ZIC2: variants seen among roughly 807,000 people sequenced by gnomAD.
ZIC2 encodes the protein zinc finger protein ZIC 2.
In ZIC2, 7 loss-of-function variants were observed where a neutral mutation model predicts 29.5. That is an observed-to-expected ratio of 0.24 (90% CI 0.14 to 0.45). The LOEUF (loss-of-function observed/expected upper bound fraction) is 0.45. Among genes scored for constraint, ZIC2 ranks in the 20% least tolerant of loss-of-function variants. The pLI, the probability that ZIC2 is intolerant of heterozygous loss-of-function variation, is 1.00. For synonymous variants in ZIC2, 408 were observed against 354.2 expected (o/e 1.15, Z -1.70); for missense variants, 589 against 781.2 (o/e 0.75, Z 2.93).
Position 99,985,427 on chromosome 13 carries a change from G to T in ZIC2, c.1344G>T (p.Gln448His), listed in dbSNP as rs1566405954. ...TGGTGTCCCCCAGCGCCGAGCCCCA[G>T]AGCAGCTCCAACCTGTCCCCAGCGG... ...PGLVSPSAEP[Q>H]SSSNLSPAAA... is the part of the protein sequence containing the mutation. The change falls in exon 3 of 3, where the codon CAG (glutamine) becomes CAT (histidine). Residue 448 changes from glutamine (Q) to histidine (H), a missense_variant. By Grantham distance (24) the Gln-to-His change is conservative. Coordinates refer to ENST00000376335, the MANE Select transcript of ZIC2 (RefSeq NM_007129.5). This position sits in a 1 kb window ranked among gnomAD's most constrained non-coding sequence, Gnocchi z 6.3. The T allele has an allele frequency of 6.3e-7, 1 of 1,593,274 alleles. No individual in the cohort carries two copies. Among genetic ancestry groups the T allele is most frequent in the Non-Finnish European group, 8.5e-7 (1 of 1,176,884 alleles).
In ZIC2 at chr13:99,985,836, G is replaced by GT. The variant is rs34544768; in HGVS notation, c.*170dup. 49,294 of 185,594 alleles carry GT rather than the reference G, an allele frequency of 0.27. 6,060 individuals carry two copies. Among genetic ancestry groups the GT allele is most frequent in the African/African-American group, 0.45 (17,541 of 39,052 alleles). The allele number at this position is 185,594 out of a possible 1,614,324, so 11.5% of individuals were successfully genotyped here. A position where few individuals can be genotyped will look rare whatever the true frequency, so the allele number is the denominator to read the frequency against. On this transcript the variant is annotated 3_prime_UTR_variant, in exon 3 of 3. Transcript: ENST00000376335. The surrounding 1 kb of genome is among the most constrained non-coding windows in gnomAD (Gnocchi z 6.3). ...TTTACCAGCAGAAGGATTTTTTAAAGTTTTTTTTTTTTTTTTAATAATAAT... is the reference window on the plus strand; with the variant it reads ...TTTACCAGCAGAAGGATTTTTTAAAGTTTTTTTTTTTTTTTTTAATAATAAT...
chr13:99,982,871 C>A lies in ZIC2; in HGVS notation c.807C>A (p.Pro269=). ...TCGACCCCGAGCAACTGAGCAATCC[C>A]AAGAAGAGCTGCAACAAAACTTTCA... ...KWIDPEQLSN[P]KKSCNKTFST... Residue 269 remains proline, a synonymous_variant, in exon 1 of 3, where the codon CCC becomes CCA. Transcript: ENST00000376335. 1 of 1,613,686 alleles carries A rather than the reference C, an allele frequency of 6.2e-7. No individual in the cohort carries two copies. Among genetic ancestry groups the A allele is most frequent in the Non-Finnish European group, 8.5e-7 (1 of 1,180,004 alleles).
At position 99,984,986 on chromosome 13, in the gene ZIC2, G is replaced by A; in HGVS notation, c.1116G>A (p.Arg372=). 1 of 1,614,154 alleles carries A rather than the reference G, an allele frequency of 6.2e-7. No homozygotes were observed. The highest frequency in any genetic ancestry group is 8.5e-7 in the Non-Finnish European group (1 of 1,179,994). The change falls in exon 2 of 3, where the codon CGG becomes CGA. Residue 372 remains arginine, a synonymous_variant. Transcript: ENST00000376335. ...PFQCEFEGCD[R]RFANSSDRKK... ...AGTGTGAGTTTGAGGGCTGCGACCG[G>A]CGCTTCGCCAACAGCAGCGACAGGA...
rs760154054 is a variant in ZIC2, at chr13:99,982,544, G to A, written c.480G>A (p.Pro160=). 1 of 1,544,024 alleles carries A rather than the reference G, an allele frequency of 6.5e-7. No homozygotes were observed. The highest frequency in any genetic ancestry group is 8.7e-7 in the Non-Finnish European group (1 of 1,147,876). ...ACGCGCAGGGCCACCTCCTCTTCCC[G>A]GGCCTGCCAGAGCAGCACGGGCCGC... ...HSDAQGHLLF[P]GLPEQHGPHG... Residue 160 remains proline, a synonymous_variant, in exon 1 of 3, where the codon CCG becomes CCA. Coordinates refer to ENST00000376335, the MANE Select transcript of ZIC2 (RefSeq NM_007129.5).
At position 99,985,492 on chromosome 13, in the gene ZIC2, C is replaced by CGGT; in HGVS notation, c.1411_1413dup (p.Val471dup). Reference sequence around the variant, plus strand: ...GCGGCGGCTGCGGCGGCGGCGGCCGCGGTGTCCGCGGTGCACCGGGGCGGA... The same window carrying CGGT: ...GCGGCGGCTGCGGCGGCGGCGGCCGCGGTGGTGTCCGCGGTGCACCGGGGCGGA... On this transcript the variant is annotated inframe_insertion, in exon 3 of 3. Coordinates refer to ENST00000376335, the MANE Select transcript of ZIC2 (RefSeq NM_007129.5). The surrounding 1 kb of genome is among the most constrained non-coding windows in gnomAD (Gnocchi z 6.3). 1 of 1,215,486 alleles carries CGGT rather than the reference C, an allele frequency of 8.2e-7. No individual in the cohort carries two copies. Among genetic ancestry groups the CGGT allele is most frequent in the Non-Finnish European group, 1.0e-6 (1 of 984,612 alleles). The allele number at this position is 1,215,486 out of a possible 1,614,324, so 75.3% of individuals were successfully genotyped here. A position where few individuals can be genotyped will look rare whatever the true frequency, so the allele number is the denominator to read the frequency against.
rs1291873215 is a variant in ZIC2 at position 99,983,618 on chromosome 13, G to GAGT, written c.1075+480_1075+481insGTA. Among the ~76,000 whole-genome samples, 41 of 152,142 alleles carry GAGT rather than the reference G, an allele frequency of 2.7e-4. No individual in the cohort carries two copies. The highest frequency in any genetic ancestry group is 4.3e-4 in the Non-Finnish European group (29 of 68,038). On this transcript the variant is annotated intron_variant, in intron 1 of 2. Coordinates refer to ENST00000376335, the MANE Select transcript of ZIC2 (RefSeq NM_007129.5). The surrounding 1 kb of genome is among the most constrained non-coding windows in gnomAD (Gnocchi z 4.7). ...CGCCCTTCCCGGGACTGTTTCCCATGAAATGAGTCTGGTGTGAGCCGAAGC... is the reference window on the plus strand; with the variant it reads ...CGCCCTTCCCGGGACTGTTTCCCATGAGTAAATGAGTCTGGTGTGAGCCGAAGC...
At position 99,985,488 on chromosome 13, in the gene ZIC2, G is replaced by GCCGCGGTGT. The variant is rs2053261751; in HGVS notation, c.1414_1422dup (p.Ser472_Val474dup). The GCCGCGGTGT allele has an allele frequency of 5.6e-6, 7 of 1,250,024 alleles. No homozygotes were observed. The highest frequency in any genetic ancestry group is 2.6e-4 in the Middle Eastern group (1 of 3,834). 77.4% of individuals were successfully genotyped at this position (1,250,024 alleles called of 1,614,324 possible). On this transcript the variant is annotated inframe_insertion, in exon 3 of 3. Coordinates refer to ENST00000376335, the MANE Select transcript of ZIC2 (RefSeq NM_007129.5). This position sits in a 1 kb window ranked among gnomAD's most constrained non-coding sequence, Gnocchi z 6.3. ...GGCGGCGGCGGCTGCGGCGGCGGCGGCCGCGGTGTCCGCGGTGCACCGGGG... is the reference window on the plus strand; with the variant it reads ...GGCGGCGGCGGCTGCGGCGGCGGCGGCCGCGGTGTCCGCGGTGTCCGCGGTGCACCGGGG...
chr13:99,985,309 C>T lies in ZIC2; in HGVS notation c.1240-14C>T. The T allele has an allele frequency of 6.3e-7, 1 of 1,598,778 alleles. No individual in the cohort carries two copies. The highest frequency in any genetic ancestry group is 8.5e-7 in the Non-Finnish European group (1 of 1,179,400). Reference sequence around the variant, plus strand: ...AGTCCCCTCTGGTCCCCCCTCCCGGCTTTTGTCTTGCAGGTCCATGAGTCC... The same window carrying T: ...AGTCCCCTCTGGTCCCCCCTCCCGGTTTTTGTCTTGCAGGTCCATGAGTCC... On this transcript the variant is annotated splice_polypyrimidine_tract_variant and intron_variant, in intron 2 of 2. Transcript: ENST00000376335. This position sits in a 1 kb window ranked among gnomAD's most constrained non-coding sequence, Gnocchi z 6.3.
Position 99,981,829 on chromosome 13 carries a change from G to GCCT in ZIC2, c.-225_-223dup, listed in dbSNP as rs755426591. The GCCT allele has an allele frequency of 2.6e-6, 2 of 766,970 alleles. No individual in the cohort carries two copies. Among genetic ancestry groups the GCCT allele is most frequent in the East Asian group, 7.7e-5 (1 of 12,926 alleles). 47.5% of individuals were successfully genotyped at this position (766,970 alleles called of 1,614,324 possible). The stretch of plus-strand genomic sequence containing the variant: ...CTCCTCCTCCTCCTCCCGCGCCGCC[G>GCCT]CCTCCTCCTCCTCTTCCTCTCCGCG... On this transcript the variant is annotated 5_prime_UTR_variant, in exon 1 of 3. Coordinates refer to ENST00000376335, the MANE Select transcript of ZIC2 (RefSeq NM_007129.5).
rs1003499674 is a variant in ZIC2 at position 99,985,573 on chromosome 13, G to A, written c.1490G>A (p.Gly497Glu). 6.0e-6 allele frequency: 6 copies of A among 999,364 alleles called. No homozygotes were observed. In the African/African-American group the frequency reaches 1.1e-4, roughly 18 times the overall value. The allele number at this position is 999,364 out of a possible 1,614,324, so 61.9% of individuals were successfully genotyped here. The change falls in exon 3 of 3, where the codon GGG becomes GAG. Residue 497 changes from glycine (G) to glutamate (E), a missense_variant. Coordinates refer to ENST00000376335, the MANE Select transcript of ZIC2 (RefSeq NM_007129.5). The surrounding 1 kb of genome is among the most constrained non-coding windows in gnomAD (Gnocchi z 6.3). ...TCAGGCGGCGGCAGCGGCAGTGGCGGGGGCGGCGGCGGGGCGGGCGGCGGG... is the reference window on the plus strand; with the variant it reads ...TCAGGCGGCGGCAGCGGCAGTGGCGAGGGCGGCGGCGGGGCGGGCGGCGGG... ...GGSGGGSGSG[G>E]GGGGAGGGGG... is the part of the protein sequence containing the mutation.
chr13:99,984,855 C>G, intron 1 of ZIC2, 91 bp from the exon 2 acceptor site: 1 of 1,565,300 alleles, frequency 6.4e-7, no homozygotes, highest in Non-Finnish European at 8.7e-7. Flanking sequence ...AGGTCCTTCT[C>G]CCTCGCCGCG....
chr13:99,982,546 G>T lies in ZIC2; in HGVS notation c.482G>T (p.Gly161Val), dbSNP rs1156237654. 6.5e-7 allele frequency: 1 copy of T among 1,545,356 alleles called. No homozygotes were observed. Among genetic ancestry groups the T allele is most frequent in the Admixed American group, 1.9e-5 (1 of 51,940 alleles). ...SDAQGHLLFP[G>V]LPEQHGPHGS... is the part of the protein sequence containing the mutation. ...GCGCAGGGCCACCTCCTCTTCCCGGGCCTGCCAGAGCAGCACGGGCCGCAC... is the reference window on the plus strand; with the variant it reads ...GCGCAGGGCCACCTCCTCTTCCCGGTCCTGCCAGAGCAGCACGGGCCGCAC... The change falls in exon 1 of 3, where the codon GGC (glycine) becomes GTC (valine). Residue 161 changes from glycine to valine, a missense_variant. This residue lies in a region of ZIC2 where 358 missense variants were observed against 382.0 expected (regional missense o/e 0.94). Coordinates refer to ENST00000376335, the MANE Select transcript of ZIC2 (RefSeq NM_007129.5).
At position 99,983,539 on chromosome 13, in the gene ZIC2, ATGTC is replaced by A. The variant is rs1253054293; in HGVS notation, c.1075+407_1075+410del. On this transcript the variant is annotated intron_variant, in intron 1 of 2. Coordinates refer to ENST00000376335, the MANE Select transcript of ZIC2 (RefSeq NM_007129.5). This position sits in a 1 kb window ranked among gnomAD's most constrained non-coding sequence, Gnocchi z 4.7. Reference sequence around the variant, plus strand: ...GAATGTGCTTTTCTGCTCGGAGTGTATGTCTGTCTGAGTGGTTTGTGTGTTTTCC... The same window carrying A: ...GAATGTGCTTTTCTGCTCGGAGTGTATGTCTGAGTGGTTTGTGTGTTTTCC... Among the ~76,000 whole-genome samples, 1 of 152,078 alleles carries A rather than the reference ATGTC, an allele frequency of 6.6e-6. No individual in the cohort carries two copies. The highest frequency in any genetic ancestry group is 1.5e-5 in the Non-Finnish European group (1 of 68,014).
rs1391904810 is a variant in ZIC2, at chr13:99,983,309, A to G, written c.1075+170A>G. ...AGCTTGTTTCTGTTGGACGATGACAATATTATTGGGCTAGGTTTTTCCATG... is the reference window on the plus strand; with the variant it reads ...AGCTTGTTTCTGTTGGACGATGACAGTATTATTGGGCTAGGTTTTTCCATG... On this transcript the variant is annotated intron_variant, in intron 1 of 2. Coordinates refer to ENST00000376335, the MANE Select transcript of ZIC2 (RefSeq NM_007129.5). This position sits in a 1 kb window ranked among gnomAD's most constrained non-coding sequence, Gnocchi z 4.7. Among the ~76,000 whole-genome samples the G allele has an allele frequency of 6.6e-6, 1 of 152,192 alleles. No homozygotes were observed. The highest frequency in any genetic ancestry group is 1.5e-5 in the Non-Finnish European group (1 of 68,022).
In ZIC2 at chr13:99,985,079, G is replaced by A. The variant is rs1396349409; in HGVS notation, c.1209G>A (p.Thr403=). ...YLCKMCDKSY[T]HPSSLRKHMK... Reference sequence around the variant, plus strand: ...GCAAGATGTGCGACAAGTCCTACACGCACCCCAGCTCGCTGCGGAAGCACA... The same window carrying A: ...GCAAGATGTGCGACAAGTCCTACACACACCCCAGCTCGCTGCGGAAGCACA... The change falls in exon 2 of 3, where the codon ACG becomes ACA. Residue 403 remains threonine, a synonymous_variant. Transcript: ENST00000376335. This position sits in a 1 kb window ranked among gnomAD's most constrained non-coding sequence, Gnocchi z 6.3. The A allele has an allele frequency of 6.2e-7, 1 of 1,614,102 alleles. No individual in the cohort carries two copies. The highest frequency in any genetic ancestry group is 2.2e-5 in the East Asian group (1 of 44,876).
At position 99,983,210 on chromosome 13, in the gene ZIC2, T is replaced by C; in HGVS notation, c.1075+71T>C. 1 of 1,558,196 alleles carries C rather than the reference T, an allele frequency of 6.4e-7. No homozygotes were observed. The highest frequency in any genetic ancestry group is 8.7e-7 in the Non-Finnish European group (1 of 1,154,632). On this transcript the variant is annotated intron_variant, in intron 1 of 2. Coordinates refer to ENST00000376335, the MANE Select transcript of ZIC2 (RefSeq NM_007129.5). This position sits in a 1 kb window ranked among gnomAD's most constrained non-coding sequence, Gnocchi z 4.7. The stretch of plus-strand genomic sequence containing the variant: ...CACAGGCTGAGACTCAGGCTGTGGG[T>C]GCCGACGCTGGGCGCAGACCGCCAG...
chr13:99,982,195 C>T lies in ZIC2; in HGVS notation c.131C>T (p.Ala44Val). 1 of 1,489,760 alleles carries T rather than the reference C, an allele frequency of 6.7e-7. No individual in the cohort carries two copies. The highest frequency in any genetic ancestry group is 8.9e-7 in the Non-Finnish European group (1 of 1,126,336). 92.3% of individuals were successfully genotyped at this position (1,489,760 alleles called of 1,614,324 possible). ...CAGGACCGTGAACTGAGCCTGGCGG[C>T]GGCGCAGAACGGCTTCGTTGACTCC... ...EMQDRELSLA[A>V]AQNGFVDSAA... is the part of the protein sequence containing the mutation. The change falls in exon 1 of 3, where the codon GCG becomes GTG. Residue 44 changes from alanine (A) to valine (V), a missense_variant. Ala to Val is a moderately conservative substitution (Grantham distance 64, BLOSUM62 0). Around this residue, in one of 7 missense-constraint regions of ZIC2, gnomAD observed 358 missense variants for 382.0 expected, o/e 0.94. Transcript: ENST00000376335.
chr13:99,985,705 T>C lies in ZIC2; in HGVS notation c.*23T>C. ...TGACGGGTCGGGGCCTCTCTCCCTC[T>C]CCCTGTCCCCACCCCAGCGCAGCAG... On this transcript the variant is annotated 3_prime_UTR_variant, in exon 3 of 3. Transcript: ENST00000376335. This position sits in a 1 kb window ranked among gnomAD's most constrained non-coding sequence, Gnocchi z 6.3. The C allele has an allele frequency of 7.6e-7, 1 of 1,315,866 alleles. No individual in the cohort carries two copies. The highest frequency in any genetic ancestry group is 1.6e-5 in the South Asian group (1 of 62,618). The allele number at this position is 1,315,866 out of a possible 1,614,324, so 81.5% of individuals were successfully genotyped here.
In ZIC2 at chr13:99,982,010, G is replaced by C. The variant is rs1434537588; in HGVS notation, c.-55G>C. On this transcript the variant is annotated 5_prime_UTR_variant, in exon 1 of 3. Transcript: ENST00000376335. ...GACGCACCGCGCGGATCGGGAGCGG[G>C]AGTCGAGGCGGCGCGGAGGCGCAGG... 7 of 1,211,910 alleles carry C rather than the reference G, an allele frequency of 5.8e-6. No individual in the cohort carries two copies. The highest frequency in any genetic ancestry group is 1.6e-5 in the African/African-American group (1 of 63,084). The allele number at this position is 1,211,910 out of a possible 1,614,324, so 75.1% of individuals were successfully genotyped here. A position where few individuals can be genotyped will look rare whatever the true frequency, so the allele number is the denominator to read the frequency against.
Sources: allele counts gnomAD v4.1 joint callset (sites outside exome capture counted in the v4.1 genomes callset), GRCh38; gene constraint gnomAD v4.1.1; regional missense constraint gnomAD v4.1.1; non-coding constraint Gnocchi (gnomAD v3.1); transcripts MANE v1.5; gene names NCBI Gene and HGNC (gene_info 2026-07-23, HGNC 2026-07-21).